The following SMCO4 variants were observed in gnomAD, a reference collection of about 807,000 sequenced individuals.
SMCO4 encodes the protein single-pass membrane and coiled-coil domain-containing protein 4.
Under a neutral mutation model 3.6 loss-of-function variants are expected in SMCO4, and 4 were observed. The observed-to-expected ratio is 1.11, with a 90% CI of 0.54 to 2.53. The LOEUF (loss-of-function observed/expected upper bound fraction) is 2.53. Among genes scored for constraint, SMCO4 ranks in the 30% most tolerant of loss-of-function variants. The probability of loss-of-function intolerance (pLI) is 0.02; values close to 1 mark genes in which losing one functional copy is unlikely to be tolerated. For missense variants in SMCO4, 70 were observed against 80.8 expected, an observed-to-expected ratio of 0.87 and a Z score of 0.51; for synonymous variants, 36 against 35.3, an observed-to-expected ratio of 1.02 and a Z score of -0.07.
chr11:93,489,632 G>A (rs757362491), intron 2 of SMCO4, among the ~76,000 whole-genome samples: 5 of 152,208 alleles, frequency 3.3e-5, no homozygotes, highest in African/African-American at 9.7e-5. Flanking sequence ...AGGCCAGTAC[G>A]ACAAAGTAAG....
At chr11:93,484,325 T>C (rs1457289226) in intron 2 of SMCO4, among the ~76,000 whole-genome samples, 1 of 152,228 alleles carries the variant, frequency 6.6e-6, no homozygotes, top group Admixed American at 6.5e-5. Flanking sequence ...TATGCACACA[T>C]GCTAACTTCT....
intron 1 of SMCO4, among the ~76,000 whole-genome samples, chr11:93,505,470 A>G (rs1209018535): frequency 3.3e-5 from 5 of 152,366 alleles, no homozygotes; most frequent in Admixed American, 1.3e-4. Flanking sequence ...AATTATTGCA[A>G]GAATGAATAT....
At chr11:93,531,223 T>C (rs1840695) in intron 1 of SMCO4, among the ~76,000 whole-genome samples, 70,740 of 152,064 alleles carry the variant, frequency 0.47, 17,074 homozygotes, top group South Asian at 0.56. Flanking sequence ...TAAGAGGGAA[T>C]TCCTCTTGCA....
intron 1 of SMCO4, among the ~76,000 whole-genome samples, chr11:93,517,319 G>A (rs1949016699): frequency 6.6e-6 from 1 of 152,084 alleles, no homozygotes. Context: ...TAATCCAATT[G>A]GTTTTTTCTT....
chr11:93,516,986 G>A (rs1478108137), intron 1 of SMCO4, among the ~76,000 whole-genome samples: 1 of 152,048 alleles, frequency 6.6e-6, no homozygotes, highest in Non-Finnish European at 1.5e-5. Flanking sequence ...TGGATGATGG[G>A]AGCCTCTCCT....
At chr11:93,510,436 G>A (rs761533246) in intron 1 of SMCO4, among the ~76,000 whole-genome samples, 1 of 152,214 alleles carries the variant, frequency 6.6e-6, no homozygotes, top group Non-Finnish European at 1.5e-5. Flanking sequence ...ACACTGCCAA[G>A]CACAAGGAGA....
At chr11:93,524,225 G>C (rs1169629225) in intron 1 of SMCO4, among the ~76,000 whole-genome samples, 1 of 152,154 alleles carries the variant, frequency 6.6e-6, no homozygotes, top group Non-Finnish European at 1.5e-5. Context: ...ATAGGACACA[G>C]ACTCAGAAAG....
chr11:93,528,236 T>G (rs1162914012), intron 1 of SMCO4, among the ~76,000 whole-genome samples: 14 of 152,144 alleles, frequency 9.2e-5, no homozygotes, highest in Non-Finnish European at 2.1e-4. Flanking sequence ...TGATATAAAA[T>G]TTTGTAGTTA....
At chr11:93,492,875 A>G (rs1948734681) in intron 2 of SMCO4, among the ~76,000 whole-genome samples, 1 of 152,214 alleles carries the variant, frequency 6.6e-6, no homozygotes, top group Admixed American at 6.5e-5. Context: ...CAGACCTTTG[A>G]TTCCTGACAA....
chr11:93,544,712 G>T (rs897076548), upstream of SMCO4, among the ~76,000 whole-genome samples: 34 of 152,008 alleles, frequency 2.2e-4, 1 homozygote, highest in African/African-American at 8.2e-4. Context: ...TGGGATCAGA[G>T]GGGATTGGGC....
intron 1 of SMCO4, among the ~76,000 whole-genome samples, chr11:93,511,955 G>T (rs923424154): frequency 1.3e-5 from 2 of 152,154 alleles, no homozygotes; most frequent in African/African-American, 4.8e-5. Flanking sequence ...TGGGTCAATA[G>T]TGATCTCACT....
At chr11:93,534,277 TACATATATACACACAC>T (rs1949194513) in intron 1 of SMCO4, among the ~76,000 whole-genome samples, 1 of 146,314 alleles carries the variant, frequency 6.8e-6, no homozygotes, top group Non-Finnish European at 1.5e-5. Flanking sequence ...CATATATATA[TACATATATACACACAC>T]ACATATATAT....
chr11:93,492,486 T>G (rs1948729533), intron 2 of SMCO4, among the ~76,000 whole-genome samples: 1 of 152,038 alleles, frequency 6.6e-6, no homozygotes, highest in South Asian at 2.1e-4. Context: ...CAAATAAAAG[T>G]GTAATATGTC....
chr11:93,516,206 T>G (rs1949006463), intron 1 of SMCO4, among the ~76,000 whole-genome samples: 1 of 152,182 alleles, frequency 6.6e-6, no homozygotes, highest in Non-Finnish European at 1.5e-5. Context: ...CCAAGAACCA[T>G]GCTTGGCAGG....
chr11:93,517,084 G>A (rs934767514), intron 1 of SMCO4, among the ~76,000 whole-genome samples: 1 of 152,086 alleles, frequency 6.6e-6, no homozygotes, highest in Non-Finnish European at 1.5e-5. Context: ...AAGGAAGAAA[G>A]CAGGAATCAG....
chr11:93,501,255 GAA>G (rs1161670872), intron 1 of SMCO4, among the ~76,000 whole-genome samples: 2 of 152,212 alleles, frequency 1.3e-5, no homozygotes, highest in Non-Finnish European at 2.9e-5. Flanking sequence ...AGCAATATGA[GAA>G]AGAGAGAGCC....
chr11:93,498,683 C>G (rs1192903145), intron 2 of SMCO4, among the ~76,000 whole-genome samples: 1 of 152,230 alleles, frequency 6.6e-6, no homozygotes, highest in African/African-American at 2.4e-5. Flanking sequence ...TGGCGAAGAT[C>G]AGGAATTTCG....
At chr11:93,514,413 T>TATATATATACAC (rs781423008) in intron 1 of SMCO4, among the ~76,000 whole-genome samples, 652 of 33,796 alleles carry the variant, frequency 0.019, 61 homozygotes, top group Middle Eastern at 0.059. Context: ...TATATATATA[T>TATATATATACAC]ATATATATAA....
intron 1 of SMCO4, among the ~76,000 whole-genome samples, chr11:93,522,739 T>C (rs72964828): frequency 0.022 from 3,398 of 152,144 alleles, 71 homozygotes; most frequent in Middle Eastern, 0.054. Context: ...GATGAGAGAG[T>C]GTCTCATGCA....
Sources: gnomAD v4.1 joint callset for allele counts (sites outside exome capture counted in the v4.1 genomes callset) on GRCh38, gnomAD v4.1.1 for gene constraint, MANE v1.5 for transcripts, NCBI Gene and HGNC (gene_info 2026-07-23, HGNC 2026-07-21) for gene names.